Variants in RIMS2 observed in about 807,000 individuals in gnomAD.
The protein encoded by RIMS2 is regulating synaptic membrane exocytosis protein 2.
In RIMS2, 59 loss-of-function variants were observed where a neutral mutation model predicts 174.4. The ratio of observed to expected loss-of-function variants is 0.34; its 90% confidence interval spans 0.27 to 0.42. The LOEUF (loss-of-function observed/expected upper bound fraction) is 0.42, where lower values mean the gene tolerates loss of function less well. Among genes scored for constraint, RIMS2 ranks in the 10% least tolerant of loss-of-function variants. RIMS2 has a pLI of 1.00. For missense variants in RIMS2, 1,620 were observed against 1,666.3 expected, an observed-to-expected ratio of 0.97 and a Z score of 0.48; for synonymous variants, 606 against 572.5, an observed-to-expected ratio of 1.06 and a Z score of -0.84.
intron 1 of RIMS2, among the ~76,000 whole-genome samples, chr8:103,516,694 G>C (rs1829154948): frequency 6.6e-6 from 1 of 151,952 alleles, no homozygotes. Flanking sequence ...GAAAAATGTA[G>C]AAACAAGGGA....
At chr8:103,987,546 T>C (rs1218808777) in intron 16 of RIMS2, among the ~76,000 whole-genome samples, 1 of 152,186 alleles carries the variant, frequency 6.6e-6, no homozygotes, top group Non-Finnish European at 1.5e-5. Context: ...GGAAAAACTT[T>C]AGAGAAATTT....
intron 1 of RIMS2, among the ~76,000 whole-genome samples, chr8:103,588,153 G>C (rs942844628): frequency 6.6e-6 from 1 of 151,728 alleles, no homozygotes; most frequent in Non-Finnish European, 1.5e-5. Flanking sequence ...ATTTACAAAA[G>C]TGACAAGTAA....
chr8:104,209,261 A>T (rs2099094791), intron 19 of RIMS2, among the ~76,000 whole-genome samples: 2 of 152,160 alleles, frequency 1.3e-5, no homozygotes, highest in African/African-American at 4.8e-5. Context: ...ACACATAGGG[A>T]TATTTGTTTT....
chr8:103,829,729 G>A (rs919047220), intron 3 of RIMS2, among the ~76,000 whole-genome samples: 1 of 152,082 alleles, frequency 6.6e-6, no homozygotes, highest in East Asian at 1.9e-4. Flanking sequence ...GGAGGAGAGT[G>A]AGCATGGAAA....
chr8:103,611,281 A>T (rs2095358568), intron 1 of RIMS2, among the ~76,000 whole-genome samples: 1 of 152,082 alleles, frequency 6.6e-6, no homozygotes, highest in Non-Finnish European at 1.5e-5. Flanking sequence ...ATGTCTTGAT[A>T]GATTATTGTT....
chr8:103,930,366 C>G (rs570453299), intron 11 of RIMS2, among the ~76,000 whole-genome samples: 1 of 151,980 alleles, frequency 6.6e-6, no homozygotes, highest in African/African-American at 2.4e-5. Flanking sequence ...CTGTTATTCT[C>G]AAGTTCCAAA....
chr8:103,845,486 G>A (rs1297506110), intron 3 of RIMS2, among the ~76,000 whole-genome samples: 1 of 152,026 alleles, frequency 6.6e-6, no homozygotes, highest in Non-Finnish European at 1.5e-5. Flanking sequence ...AATCATTACT[G>A]TGACTCTCTA....
intron 12 of RIMS2, among the ~76,000 whole-genome samples, chr8:103,933,768 C>T (rs1190933223): frequency 6.6e-6 from 1 of 152,152 alleles, no homozygotes; most frequent in Non-Finnish European, 1.5e-5. Flanking sequence ...GTTACATTAT[C>T]ATCTTAACAA....
chr8:103,838,656 G>A (rs1250623586), intron 3 of RIMS2, among the ~76,000 whole-genome samples: 7 of 152,132 alleles, frequency 4.6e-5, no homozygotes, highest in Admixed American at 2.0e-4. Flanking sequence ...CGAATATTTT[G>A]GATAAGCAGA....
intron 19 of RIMS2, among the ~76,000 whole-genome samples, chr8:104,189,675 CTATA>C (rs901518948): frequency 4.7e-5 from 7 of 149,892 alleles, no homozygotes; most frequent in African/African-American, 1.5e-4. Context: ...TATAGTCTCT[CTATA>C]TATACGCATT....
chr8:103,766,723 G>T (rs765337093), intron 3 of RIMS2, among the ~76,000 whole-genome samples, 186 bp downstream of exon 6: 1 of 152,170 alleles, frequency 6.6e-6, no homozygotes, highest in Non-Finnish European at 1.5e-5. Flanking sequence ...AACTATCTTA[G>T]ATTTGATGTG....
intron 1 of RIMS2, among the ~76,000 whole-genome samples, chr8:103,566,865 A>C (rs936960426): frequency 1.3e-5 from 2 of 152,144 alleles, no homozygotes; most frequent in Admixed American, 1.3e-4. Flanking sequence ...TCAGCCTTTC[A>C]AAATGTTGAG....
At chr8:103,775,266 C>A (rs7832993) in intron 3 of RIMS2, among the ~76,000 whole-genome samples, 17,631 of 151,274 alleles carry the variant, frequency 0.12, 1,358 homozygotes, top group Non-Finnish European at 0.17. Context: ...AATAGCATAA[C>A]CATGAGAGAA....
chr8:103,765,929 T>G (rs1564556566), intron 2 of RIMS2, among the ~76,000 whole-genome samples: 1 of 152,146 alleles, frequency 6.6e-6, no homozygotes. Context: ...TTCTGTGTAT[T>G]ACACAATGCC....
intron 1 of RIMS2, among the ~76,000 whole-genome samples, chr8:103,615,065 A>G (rs1006161372): frequency 2.0e-5 from 3 of 152,208 alleles, no homozygotes; most frequent in Non-Finnish European, 4.4e-5. Context: ...CTTACTGGCT[A>G]TAATTAGCAT....
chr8:103,774,369 G>A (rs926329550), intron 3 of RIMS2, among the ~76,000 whole-genome samples: 1 of 152,120 alleles, frequency 6.6e-6, no homozygotes, highest in African/African-American at 2.4e-5. Context: ...TAAAATACTT[G>A]TATGATAATG....
chr8:104,109,154 G>A (rs576215473), intron 19 of RIMS2, among the ~76,000 whole-genome samples: 60 of 151,666 alleles, frequency 4.0e-4, no homozygotes, highest in African/African-American at 1.4e-3. Context: ...AAAATTAGCC[G>A]GGCGTGGTGG....
chr8:103,678,236 C>A (rs1189107438), intron 1 of RIMS2, among the ~76,000 whole-genome samples: 2 of 152,084 alleles, frequency 1.3e-5, no homozygotes, highest in Admixed American at 1.3e-4. Context: ...ATAATATACA[C>A]ACAATACATA....
chr8:103,541,978 C>A (rs896817524), intron 1 of RIMS2, among the ~76,000 whole-genome samples: 1 of 151,822 alleles, frequency 6.6e-6, no homozygotes, highest in Non-Finnish European at 1.5e-5. Context: ...AAGCACACCA[C>A]TACAGAAAAT....
Sources: gnomAD v4.1 joint callset for allele counts (sites outside exome capture counted in the v4.1 genomes callset) on GRCh38, gnomAD v4.1.1 for gene constraint, MANE v1.5 for transcripts, NCBI Gene and HGNC (gene_info 2026-07-23, HGNC 2026-07-21) for gene names.